The following GPHN variants were observed in gnomAD, a reference collection of about 807,000 sequenced individuals.
GPHN encodes the protein gephyrin.
In GPHN, 17 loss-of-function variants were observed where a neutral mutation model predicts 95.5. That is an observed-to-expected ratio of 0.18 (90% CI 0.12 to 0.27). The LOEUF (loss-of-function observed/expected upper bound fraction) is 0.27, where lower values mean the gene tolerates loss of function less well. Among genes scored for constraint, GPHN ranks in the 10% least tolerant of loss-of-function variants. The pLI, the probability that GPHN is intolerant of heterozygous loss-of-function variation, is 1.00. For synonymous variants in GPHN, 320 were observed against 322.5 expected (o/e 0.99, Z 0.08); for missense variants, 660 against 978.1 (o/e 0.67, Z 4.34).
At chr14:66,892,015 G>T (rs185828099) in intron 5 of GPHN, among the ~76,000 whole-genome samples, 1 of 152,246 alleles carries the variant, frequency 6.6e-6, no homozygotes, top group Admixed American at 6.6e-5. Context: ...GTGTATTGCT[G>T]GTGAGGATGT....
At chr14:66,896,794 AAAAC>A (rs568792115) in intron 5 of GPHN, among the ~76,000 whole-genome samples, 31 of 152,178 alleles carry the variant, frequency 2.0e-4, no homozygotes, top group South Asian at 6.2e-4. Flanking sequence ...AAGGGAGAAA[AAAAC>A]AAACAAACAA....
chr14:67,645,247 C>G, the GPHN span, among the ~76,000 whole-genome samples: 44 of 151,886 alleles, frequency 2.9e-4, no homozygotes, highest in African/African-American at 1.0e-3. Context: ...CCCCTGGGCT[C>G]ATGTGATCCT....
At chr14:66,755,423 G>A (rs933226169) in intron 2 of GPHN, among the ~76,000 whole-genome samples, 4 of 152,038 alleles carry the variant, frequency 2.6e-5, no homozygotes, top group African/African-American at 4.8e-5. Flanking sequence ...ATAAAAATGA[G>A]CAAGTAACTC....
At chr14:66,694,201 A>G (rs950501498) in intron 2 of GPHN, among the ~76,000 whole-genome samples, 1 of 152,150 alleles carries the variant, frequency 6.6e-6, no homozygotes, top group Admixed American at 6.5e-5. Flanking sequence ...TGTCCCTAAT[A>G]AAAGAGGCCT....
At chr14:67,001,447 G>A (rs1454962375) in intron 9 of GPHN, among the ~76,000 whole-genome samples, 1 of 151,536 alleles carries the variant, frequency 6.6e-6, no homozygotes, top group Non-Finnish European at 1.5e-5. Context: ...TCCAGCTGCT[G>A]TTTGAATGTC....
At chr14:67,384,102 C>G in the GPHN span, 1 of 152,942 alleles carries the variant, frequency 6.5e-6, no homozygotes, top group Non-Finnish European at 1.5e-5. Flanking sequence ...CGGTTCTGTG[C>G]CTTTTATCTA....
At chr14:67,627,698 G>A in the GPHN span, among the ~76,000 whole-genome samples, 1 of 152,160 alleles carries the variant, frequency 6.6e-6, no homozygotes, top group Admixed American at 6.5e-5. Context: ...ACTTAGGGAG[G>A]CCAAGGTGGG....
chr14:67,121,729 G>C (rs1367744231), intron 16 of GPHN, among the ~76,000 whole-genome samples: 1 of 152,152 alleles, frequency 6.6e-6, no homozygotes, highest in African/African-American at 2.4e-5. Flanking sequence ...AAGTTTGCTA[G>C]TATCAGAGAC....
intron 2 of GPHN, among the ~76,000 whole-genome samples, chr14:66,692,311 A>G (rs2067832805): frequency 6.6e-6 from 1 of 152,170 alleles, no homozygotes; most frequent in African/African-American, 2.4e-5. Flanking sequence ...GTTTACATGG[A>G]AGGAGTGAGG....
chr14:66,701,358 G>A (rs375780785), intron 2 of GPHN, among the ~76,000 whole-genome samples: 1 of 152,052 alleles, frequency 6.6e-6, no homozygotes, highest in African/African-American at 2.4e-5. Flanking sequence ...CATAATAACT[G>A]TACATTTGGG....
chr14:67,197,718 A>G, the GPHN span, among the ~76,000 whole-genome samples: 161 of 152,302 alleles, frequency 1.1e-3, no homozygotes, highest in African/African-American at 3.6e-3. Context: ...AGAATCCTGC[A>G]TGATGAAGAG....
intron 11 of GPHN, among the ~76,000 whole-genome samples, chr14:67,065,794 A>G (rs1883480945): frequency 7.2e-6 from 1 of 138,972 alleles, no homozygotes; most frequent in Non-Finnish European, 1.5e-5. Context: ...TGATTGTTAG[A>G]TCTTCCTCCA....
the GPHN span, among the ~76,000 whole-genome samples, chr14:67,507,815 C>T: frequency 1.3e-5 from 2 of 152,162 alleles, no homozygotes; most frequent in African/African-American, 4.8e-5. Flanking sequence ...CAGACACCAC[C>T]TCTCAGCTGC....
At chr14:67,529,804 C>T in the GPHN span, among the ~76,000 whole-genome samples, 3 of 152,190 alleles carry the variant, frequency 2.0e-5, no homozygotes, top group Non-Finnish European at 2.9e-5. Context: ...TTCTTTGTGA[C>T]CCAAGGCAGA....
chr14:66,963,701 G>A lies in GPHN; in HGVS notation c.829-1490G>A, dbSNP rs545308256. On this transcript the variant is annotated intron_variant, in intron 8 of 22. Coordinates refer to ENST00000478722, the MANE Select transcript of GPHN (RefSeq NM_020806.5). ...CTCAAATATGTTAGCAAATGGAGTC[G>A]TCTTGCTTCTCAAAATTCCTACTGC... Among the ~76,000 whole-genome samples, 12 of 152,010 alleles carry A rather than the reference G, an allele frequency of 7.9e-5. No homozygotes were observed. In the South Asian group the frequency reaches 8.3e-4, roughly 10 times the overall value.
At chr14:66,860,402 A>G (rs1049383589) in intron 4 of GPHN, among the ~76,000 whole-genome samples, 10 of 152,206 alleles carry the variant, frequency 6.6e-5, no homozygotes, top group Middle Eastern at 3.4e-3. Context: ...GAAGGAGAAT[A>G]AAGACTCTCA....
the GPHN span, among the ~76,000 whole-genome samples, chr14:67,572,704 G>C: frequency 6.6e-6 from 1 of 152,146 alleles, no homozygotes; most frequent in Non-Finnish European, 1.5e-5. Flanking sequence ...TTATGGATGA[G>C]AAGCCTGAGG....
chr14:67,678,209 G>T, the GPHN span: 1 of 718,812 alleles, frequency 1.4e-6, no homozygotes, highest in Non-Finnish European at 2.5e-6. Flanking sequence ...AGGCTGGAAG[G>T]TTTTGCTCTC....
At chr14:67,593,391 T>A in the GPHN span, 1 of 262,056 alleles carries the variant, frequency 3.8e-6, no homozygotes, top group Non-Finnish European at 7.4e-6. Context: ...CTCAGGAGGC[T>A]GAGGTGGGAG....
Sources: gnomAD v4.1 joint callset for allele counts (sites outside exome capture counted in the v4.1 genomes callset) on GRCh38, gnomAD v4.1.1 for gene constraint, MANE v1.5 for transcripts, NCBI Gene and HGNC (gene_info 2026-07-23, HGNC 2026-07-21) for gene names.